Variants in SLC12A6 observed in about 807,000 individuals in gnomAD.
SLC12A6 encodes the protein K-Cl cotransporter 3.
In SLC12A6, 66 loss-of-function variants were observed where a neutral mutation model predicts 135.3. The ratio of observed to expected loss-of-function variants is 0.49; its 90% CI spans 0.40 to 0.60. The LOEUF (loss-of-function observed/expected upper bound fraction) is 0.60, where lower values mean the gene tolerates loss of function less well. Ranked by LOEUF, SLC12A6 falls within the 20% of genes least tolerant of loss-of-function variation. The probability of loss-of-function intolerance (pLI) is 0.00; values close to 1 mark genes in which losing one functional copy is unlikely to be tolerated. For synonymous variants in SLC12A6, 513 were observed against 508.8 expected (o/e 1.01, Z -0.11); for missense variants, 1,058 against 1,452.3 (o/e 0.73, Z 4.41).
chr15:34,311,603 T>C (rs558658390), intron 2 of SLC12A6, among the ~76,000 whole-genome samples: 6 of 152,336 alleles, frequency 3.9e-5, no homozygotes, highest in African/African-American at 7.2e-5. Flanking sequence ...AAGTTGAACA[T>C]TGGCTCTGCT....
intron 2 of SLC12A6, among the ~76,000 whole-genome samples, chr15:34,322,352 G>C (rs1048290864): frequency 6.6e-6 from 1 of 151,564 alleles, no homozygotes; most frequent in Non-Finnish European, 1.5e-5. Flanking sequence ...CTCCAGCCTG[G>C]GCAACAAGAG....
rs1595565203 is a variant in SLC12A6, at chr15:34,318,744, C to T, written c.271+17666G>A. ...CTTCCTTCCAGTTAGTTTTCCCTGC[C>T]TACCTCTTCCTTGCTGTCGTTTCAG... On this transcript the variant is annotated intron_variant, in intron 2 of 25. Transcript: ENST00000354181. The T allele has an allele frequency of 1.2e-5, 19 of 1,607,182 alleles. No homozygotes were observed. In the East Asian group the frequency reaches 4.0e-4, roughly 34 times the overall value.
At chr15:34,332,557 G>A (rs1046023587) in intron 2 of SLC12A6, among the ~76,000 whole-genome samples, 2 of 152,184 alleles carry the variant, frequency 1.3e-5, no homozygotes, top group Non-Finnish European at 2.9e-5. Flanking sequence ...GCCGAGGCAG[G>A]AGGATCATTT....
At chr15:34,313,219 A>G (rs1888385197) in intron 2 of SLC12A6, among the ~76,000 whole-genome samples, 1 of 151,560 alleles carries the variant, frequency 6.6e-6, no homozygotes, top group African/African-American at 2.4e-5. Context: ...TGCACTAAAG[A>G]GCAAGTTGTG....
At chr15:34,336,806 C>T (rs1890230856) in intron 1 of SLC12A6, 54 bp from the exon 2 acceptor site, 1 of 788,426 alleles carries the variant, frequency 1.3e-6, no homozygotes, top group Non-Finnish European at 2.2e-6. Flanking sequence ...CCTTGATTCA[C>T]ACCACACAAA....
At position 34,250,649 on chromosome 15, in the gene SLC12A6, G is replaced by A. The variant is rs763720131; in HGVS notation, c.1573C>T (p.Leu525=). 6.3e-7 allele frequency: 1 copy of A among 1,584,592 alleles called. No homozygotes were observed. Among genetic ancestry groups the A allele is most frequent in the Non-Finnish European group, 8.7e-7 (1 of 1,153,250 alleles). Residue 525 remains leucine (L), a synonymous_variant, in exon 12 of 26, where the codon CTG becomes TTG. Transcript: ENST00000354181. ...AGGATACAAACAAAGGAGGTGGTCA[G>A]GATGGCAAGGATAGTACCAATCGGA... The part of the protein sequence containing the change: ...SIPIGTILAI[L]TTSFVYLSNV...
At chr15:34,259,156 A>G (rs1402771178) in intron 4 of SLC12A6, among the ~76,000 whole-genome samples, 2 of 152,156 alleles carry the variant, frequency 1.3e-5, no homozygotes, top group African/African-American at 4.8e-5. Flanking sequence ...CCTGGCCAAG[A>G]TGGTGAAACC....
intron 2 of SLC12A6, among the ~76,000 whole-genome samples, chr15:34,291,611 A>G (rs973029091): frequency 6.6e-6 from 1 of 152,222 alleles, no homozygotes; most frequent in Non-Finnish European, 1.5e-5. Context: ...TGTCACTTTC[A>G]GGTACACCAA....
intron 2 of SLC12A6, among the ~76,000 whole-genome samples, chr15:34,281,871 C>T (rs1894704707): frequency 6.6e-6 from 1 of 151,922 alleles, no homozygotes; most frequent in Non-Finnish European, 1.5e-5. Flanking sequence ...TAAACCAGTG[C>T]ATACAAAAAG....
At position 34,336,471 on chromosome 15, in the gene SLC12A6, C is replaced by G. The variant is rs752989967; in HGVS notation, c.210G>C (p.Leu70=). ...MSEMSGATTS[L]ATVALDPPSD... is the part of the protein sequence containing the mutation. Reference sequence around the variant, plus strand: ...TGGGTGGATCCAGTGCAACAGTTGCCAGCGAAGTGGTGGCCCCAGACATCT... The same window carrying G: ...TGGGTGGATCCAGTGCAACAGTTGCGAGCGAAGTGGTGGCCCCAGACATCT... Residue 70 remains leucine (L), a synonymous_variant, in exon 2 of 26, where the codon CTG becomes CTC. Transcript: ENST00000354181. 14 of 1,613,786 alleles carry G rather than the reference C, an allele frequency of 8.7e-6. No individual in the cohort carries two copies. Among genetic ancestry groups the G allele is most frequent in the Non-Finnish European group, 1.2e-5 (14 of 1,179,824 alleles).
chr15:34,298,209 G>A (rs994399187), intron 2 of SLC12A6, among the ~76,000 whole-genome samples: 4 of 152,028 alleles, frequency 2.6e-5, no homozygotes, highest in Non-Finnish European at 5.9e-5. Context: ...AAAATAGGCC[G>A]CTCACACCTG....
intron 13 of SLC12A6, among the ~76,000 whole-genome samples, chr15:34,249,278 G>A (rs1347002502): frequency 1.3e-5 from 2 of 152,144 alleles, no homozygotes; most frequent in Non-Finnish European, 2.9e-5. Flanking sequence ...TAGCGGAAAG[G>A]GCTGGGTGTG....
chr15:34,295,480 T>C (rs1212277221), intron 2 of SLC12A6, among the ~76,000 whole-genome samples: 3 of 152,224 alleles, frequency 2.0e-5, no homozygotes, highest in Non-Finnish European at 2.9e-5. Context: ...AAAAGAGTCA[T>C]GGCGACAAAT....
chr15:34,300,756 A>G (rs1212809228), intron 2 of SLC12A6, among the ~76,000 whole-genome samples: 1 of 146,870 alleles, frequency 6.8e-6, no homozygotes. Context: ...GAGACGCACC[A>G]CTGCACTCTG....
chr15:34,256,851 C>T (rs764506850), intron 6 of SLC12A6, among the ~76,000 whole-genome samples: 1 of 152,034 alleles, frequency 6.6e-6, no homozygotes, highest in Non-Finnish European at 1.5e-5. Context: ...ATAAAAAGGG[C>T]TGAGTGTAAA....
In SLC12A6 at chr15:34,240,716, G is replaced by C; in HGVS notation, c.2381C>G (p.Ser794Cys). ...KAGKGLTIVGSVIVGNFLENY... is the reference protein window; with the variant it reads ...KAGKGLTIVGCVIVGNFLENY... ...CTCTAGGAAGTTCCCCACGATGACA[G>C]AGCCCACAATAGTGAGACCTTTTCC... Residue 794 changes from serine (S) to cysteine (C), a missense_variant, in exon 19 of 26, where the codon TCT (serine) becomes TGT (cysteine). Coordinates refer to ENST00000354181, the MANE Select transcript of SLC12A6 (RefSeq NM_001365088.1). 1 of 1,614,078 alleles carries C rather than the reference G, an allele frequency of 6.2e-7. No individual in the cohort carries two copies. Among genetic ancestry groups the C allele is most frequent in the Non-Finnish European group, 8.5e-7 (1 of 1,179,934 alleles).
At chr15:34,251,396 T>A (rs1354929503) in intron 10 of SLC12A6, among the ~76,000 whole-genome samples, 3 of 152,070 alleles carry the variant, frequency 2.0e-5, no homozygotes, top group Admixed American at 6.6e-5. Context: ...TACAGGCGCC[T>A]GCCACCACGC....
intron 23 of SLC12A6, among the ~76,000 whole-genome samples, chr15:34,236,480 G>A (rs1244338882): frequency 2.0e-5 from 3 of 152,124 alleles, no homozygotes; most frequent in African/African-American, 7.2e-5. Flanking sequence ...GAGTAGCTGG[G>A]ATTACAGGCA....
chr15:34,319,884 A>G (rs1888942270), intron 2 of SLC12A6, among the ~76,000 whole-genome samples: 1 of 138,474 alleles, frequency 7.2e-6, no homozygotes, highest in South Asian at 2.1e-4. Context: ...GTTTCAAAGA[A>G]AAAAAAAAAA....
Sources: allele counts gnomAD v4.1 joint callset (sites outside exome capture counted in the v4.1 genomes callset), GRCh38; gene constraint gnomAD v4.1.1; transcripts MANE v1.5; gene names NCBI Gene and HGNC (gene_info 2026-07-23, HGNC 2026-07-21).